Variants in EHBP1 observed in about 807,000 individuals in gnomAD.
The protein encoded by EHBP1 is EH domain-binding protein 1.
In EHBP1, 55 loss-of-function variants were observed where a neutral mutation model predicts 144.0. The observed-to-expected ratio is 0.38, with a 90% CI of 0.31 to 0.48. EHBP1 has a LOEUF of 0.48. Among genes scored for constraint, EHBP1 ranks in the 20% least tolerant of loss-of-function variants. EHBP1 has a pLI of 0.98. For synonymous variants in EHBP1, 469 were observed against 472.7 expected (o/e 0.99, Z 0.10); for missense variants, 1,200 against 1,364.2 (o/e 0.88, Z 1.90).
chr2:63,043,321 C>T (rs1262755107), intron 21 of EHBP1, among the ~76,000 whole-genome samples: 1 of 152,106 alleles, frequency 6.6e-6, no homozygotes, highest in Non-Finnish European at 1.5e-5. Context: ...TTATTATATT[C>T]AAAGAAACCC....
intron 15 of EHBP1, among the ~76,000 whole-genome samples, chr2:62,987,387 A>G (rs1327669806): frequency 2.6e-5 from 4 of 152,184 alleles, no homozygotes; most frequent in Non-Finnish European, 4.4e-5. Context: ...TCCATTGTAT[A>G]AAGGCATTGT....
chr2:62,698,086 A>C (rs2034161714), intron 1 of EHBP1, among the ~76,000 whole-genome samples: 1 of 152,246 alleles, frequency 6.6e-6, no homozygotes, highest in African/African-American at 2.4e-5. Flanking sequence ...GACACATGGC[A>C]AACAAACTGA....
At chr2:62,815,599 T>C (rs898798307) in intron 5 of EHBP1, among the ~76,000 whole-genome samples, 2 of 152,230 alleles carry the variant, frequency 1.3e-5, no homozygotes, top group Admixed American at 1.3e-4. Flanking sequence ...CACCACTTTT[T>C]ACTTGAAAAA....
intron 5 of EHBP1, among the ~76,000 whole-genome samples, chr2:62,799,151 C>G (rs1469000048): frequency 6.6e-6 from 1 of 151,592 alleles, no homozygotes; most frequent in African/African-American, 2.4e-5. Flanking sequence ...GTAGTTTATA[C>G]AACTTTTATA....
chr2:62,997,428 A>ATGTGTG (rs70962800), intron 19 of EHBP1, among the ~76,000 whole-genome samples: 250 of 90,592 alleles, frequency 2.8e-3, no homozygotes, highest in African/African-American at 5.5e-3. Flanking sequence ...AAAGGAACTC[A>ATGTGTG]TGTGTGTGTG....
chr2:62,969,489 C>T (rs969660867), intron 14 of EHBP1, among the ~76,000 whole-genome samples: 7 of 151,982 alleles, frequency 4.6e-5, no homozygotes, highest in Admixed American at 1.3e-4. Context: ...GAATTAAATA[C>T]GTTAGATGAA....
intron 6 of EHBP1, chr2:62,826,649 G>A (rs184541719): frequency 1.3e-5 from 2 of 154,740 alleles, no homozygotes; most frequent in East Asian, 3.8e-4. Context: ...TAGGATAAAA[G>A]GGATGAAATA....
At chr2:62,800,153 A>G (rs1461726409) in intron 5 of EHBP1, among the ~76,000 whole-genome samples, 1 of 152,118 alleles carries the variant, frequency 6.6e-6, no homozygotes, top group Non-Finnish European at 1.5e-5. Context: ...CCTTTTTTGT[A>G]GTGATGGCAG....
intron 10 of EHBP1, among the ~76,000 whole-genome samples, chr2:62,900,594 C>G (rs375506055): frequency 6.9e-4 from 104 of 151,218 alleles, no homozygotes; most frequent in South Asian, 1.9e-3. Context: ...GCATTCCAGC[C>G]TGGGAGGCAG....
At chr2:62,692,830 C>T (rs1055868676) in intron 1 of EHBP1, among the ~76,000 whole-genome samples, 1 of 151,984 alleles carries the variant, frequency 6.6e-6, no homozygotes, top group African/African-American at 2.4e-5. Flanking sequence ...GTAATAATCA[C>T]ATCAGGGTAC....
chr2:62,749,338 G>A (rs1425489247), intron 3 of EHBP1, among the ~76,000 whole-genome samples: 3 of 152,216 alleles, frequency 2.0e-5, no homozygotes, highest in Non-Finnish European at 4.4e-5. Context: ...TGGCCGCATA[G>A]TATTCCATGG....
chr2:62,847,716 T>G (rs937811609), intron 7 of EHBP1, among the ~76,000 whole-genome samples: 2 of 152,130 alleles, frequency 1.3e-5, no homozygotes, highest in Admixed American at 6.6e-5. Flanking sequence ...AGTCATAGAT[T>G]AGAAGAAAAT....
At chr2:62,864,652 A>G (rs765771288) in intron 8 of EHBP1, 79 bp from the exon 9 acceptor site, 99 of 1,363,136 alleles carry the variant, frequency 7.3e-5, no homozygotes, top group Non-Finnish European at 9.8e-5. Context: ...AATAATGCAT[A>G]TATTTGAGAA....
At chr2:62,872,718 A>G (rs1052323658) in intron 9 of EHBP1, among the ~76,000 whole-genome samples, 4 of 152,142 alleles carry the variant, frequency 2.6e-5, no homozygotes, top group Non-Finnish European at 5.9e-5. Flanking sequence ...ATTACCACAA[A>G]AAGAAACCTC....
At chr2:62,683,744 G>A (rs2033619836) in intron 1 of EHBP1, among the ~76,000 whole-genome samples, 1 of 151,734 alleles carries the variant, frequency 6.6e-6, no homozygotes, top group Non-Finnish European at 1.5e-5. Context: ...GAAAGAAGGG[G>A]GAATTAATGT....
chr2:62,935,084 C>T (rs1022641935), intron 10 of EHBP1, among the ~76,000 whole-genome samples: 2 of 152,082 alleles, frequency 1.3e-5, no homozygotes, highest in Non-Finnish European at 2.9e-5. Context: ...AATCCCAGCA[C>T]TTTGGGAGGC....
intron 5 of EHBP1, among the ~76,000 whole-genome samples, chr2:62,820,900 G>A (rs1331446894): frequency 1.3e-5 from 2 of 150,746 alleles, no homozygotes; most frequent in Non-Finnish European, 3.0e-5. Context: ...TACAATTTGG[G>A]AGGGGACATG....
chr2:62,780,578 A>G (rs1402647458), intron 5 of EHBP1, among the ~76,000 whole-genome samples: 4 of 152,088 alleles, frequency 2.6e-5, no homozygotes, highest in Admixed American at 6.6e-5. Flanking sequence ...TTTATTCTCA[A>G]ATGATCCTTT....
chr2:62,782,437 C>T (rs2042499233), intron 5 of EHBP1, among the ~76,000 whole-genome samples: 1 of 152,046 alleles, frequency 6.6e-6, no homozygotes, highest in South Asian at 2.1e-4. Context: ...TCGGATAAAA[C>T]TAGTAGTAGT....
Sources: gnomAD v4.1 joint callset for allele counts (sites outside exome capture counted in the v4.1 genomes callset) on GRCh38, gnomAD v4.1.1 for gene constraint, MANE v1.5 for transcripts, NCBI Gene and HGNC (gene_info 2026-07-23, HGNC 2026-07-21) for gene names.